Variants in DNM3 observed in about 807,000 individuals in gnomAD.
The protein encoded by DNM3 is dynamin-3.
In DNM3, 47 loss-of-function variants were observed where a neutral mutation model predicts 101.6. That is an observed-to-expected ratio of 0.46 (90% CI 0.37 to 0.59). The LOEUF (loss-of-function observed/expected upper bound fraction) is 0.59. Ranked by LOEUF, DNM3 falls within the 20% of genes least tolerant of loss-of-function variation. DNM3 has a pLI of 0.00. For synonymous variants in DNM3, 385 were observed against 387.9 expected, an observed-to-expected ratio of 0.99 and a Z score of 0.09; for missense variants, 849 against 1,085.7, an observed-to-expected ratio of 0.78 and a Z score of 3.06.
chr1:171,954,853 G>T (rs2125470517), intron 2 of DNM3, among the ~76,000 whole-genome samples: 1 of 152,320 alleles, frequency 6.6e-6, no homozygotes, highest in East Asian at 1.9e-4. Flanking sequence ...AATTTTTCCT[G>T]AGAAAGCTAA....
chr1:172,321,088 C>T (rs1490650677), intron 16 of DNM3, among the ~76,000 whole-genome samples: 1 of 152,140 alleles, frequency 6.6e-6, no homozygotes, highest in African/African-American at 2.4e-5. Flanking sequence ...GTTTTTAGGT[C>T]GGCTTTGCAG....
At chr1:172,091,351 GA>G (rs543681628) in intron 12 of DNM3, among the ~76,000 whole-genome samples, 25 of 152,298 alleles carry the variant, frequency 1.6e-4, no homozygotes, top group African/African-American at 5.8e-4. Context: ...CGGAAGGTGA[GA>G]AATGCCAGAC....
chr1:171,982,041 T>G (rs2044841578), intron 2 of DNM3, among the ~76,000 whole-genome samples: 1 of 152,178 alleles, frequency 6.6e-6, no homozygotes, highest in African/African-American at 2.4e-5. Flanking sequence ...ATGAAGCATT[T>G]AGAATGAAAG....
At chr1:171,949,180 A>C (rs1327960535) in intron 2 of DNM3, among the ~76,000 whole-genome samples, 2 of 152,188 alleles carry the variant, frequency 1.3e-5, no homozygotes, top group Non-Finnish European at 2.9e-5. Flanking sequence ...TACCATTAAC[A>C]AAAACATATT....
chr1:172,075,305 T>C (rs1373022182), intron 11 of DNM3, among the ~76,000 whole-genome samples: 1 of 152,222 alleles, frequency 6.6e-6, no homozygotes, highest in East Asian at 1.9e-4. Flanking sequence ...GTGCAGAAGC[T>C]CTTTAGTTTA....
chr1:172,095,302 A>C (rs2054172049), intron 13 of DNM3, among the ~76,000 whole-genome samples: 1 of 152,206 alleles, frequency 6.6e-6, no homozygotes, highest in South Asian at 2.1e-4. Context: ...GTAAACTTTT[A>C]AATAAAAGAT....
chr1:171,878,760 G>T (rs1336636718), intron 1 of DNM3, among the ~76,000 whole-genome samples: 6 of 152,018 alleles, frequency 3.9e-5, no homozygotes, highest in Non-Finnish European at 5.9e-5. Context: ...GTGGTACTTG[G>T]GTACTGTTGG....
intron 2 of DNM3, among the ~76,000 whole-genome samples, chr1:171,926,973 T>C (rs1245071627): frequency 6.6e-6 from 1 of 152,176 alleles, no homozygotes; most frequent in African/African-American, 2.4e-5. Flanking sequence ...ATGCTTTCTG[T>C]CTAAAATCAG....
intron 18 of DNM3, among the ~76,000 whole-genome samples, chr1:172,381,624 C>T (rs1283884234): frequency 6.6e-6 from 1 of 152,004 alleles, no homozygotes; most frequent in Non-Finnish European, 1.5e-5. Flanking sequence ...GTTCATTCCA[C>T]ACGTGACCTG....
At chr1:172,274,469 G>C (rs1271363349) in intron 15 of DNM3, among the ~76,000 whole-genome samples, 1 of 152,056 alleles carries the variant, frequency 6.6e-6, no homozygotes, top group African/African-American at 2.4e-5. Context: ...CAGGGCTTCA[G>C]TCTCAAATGA....
At chr1:172,355,455 G>A (rs186532300) in intron 17 of DNM3, among the ~76,000 whole-genome samples, 89 of 152,260 alleles carry the variant, frequency 5.8e-4, no homozygotes, top group African/African-American at 2.0e-3. Flanking sequence ...TTTATGAATA[G>A]ATTAAACAGC....
At chr1:172,416,853 C>A (rs1174241377), downstream of DNM3, among the ~76,000 whole-genome samples, 1 of 152,180 alleles carries the variant, frequency 6.6e-6, no homozygotes, top group Non-Finnish European at 1.5e-5. Context: ...CCCCTAGCCC[C>A]TGCCCCGGCC....
Position 172,407,846 on chromosome 1 carries a change from A to G in DNM3, c.*5A>G. On this transcript the variant is annotated 3_prime_UTR_variant, in exon 21 of 21. Coordinates refer to ENST00000627582, the MANE Select transcript of DNM3 (RefSeq NM_015569.5). ...GAATCCTCCCTGTTAGACTAAACGA[A>G]GTGTCTGGCATGGCAATTAATCACT... The G allele has an allele frequency of 3.1e-6, 5 of 1,613,102 alleles. No homozygotes were observed. Among genetic ancestry groups the G allele is most frequent in the Non-Finnish European group, 4.2e-6 (5 of 1,179,238 alleles).
At chr1:172,337,819 G>A (rs996607250) in intron 17 of DNM3, among the ~76,000 whole-genome samples, 3 of 149,970 alleles carry the variant, frequency 2.0e-5, no homozygotes, top group African/African-American at 7.4e-5. Context: ...GAATATCTGG[G>A]AATATGGCTT....
chr1:172,418,152 T>A lies in DNM3; in HGVS notation c.2541-129T>A, dbSNP rs577213897. The A allele has an allele frequency of 4.8e-5, 32 of 667,992 alleles. No homozygotes were observed. The South Asian group carries it at 5.7e-4, about 12-fold the overall frequency. The allele number at this position is 667,992 out of a possible 1,614,324, so 41.4% of individuals were successfully genotyped here. On this transcript the variant is annotated intron_variant, in intron 20 of 20. Transcript: ENST00000485254. Reference sequence around the variant, plus strand: ...TGCATGTTTTTGTGTGTGATTTGAATTTGACTTTTGTGAGCTATTTTTGCA... The same window carrying A: ...TGCATGTTTTTGTGTGTGATTTGAAATTGACTTTTGTGAGCTATTTTTGCA...
chr1:172,137,649 A>G (rs1215905396), intron 14 of DNM3: 1 of 152,176 alleles, frequency 6.6e-6, no homozygotes, highest in East Asian at 1.9e-4. Context: ...TAATTGTTAA[A>G]TGTGAAAAAA....
chr1:171,846,141 A>T (rs2032053028), intron 1 of DNM3, among the ~76,000 whole-genome samples: 1 of 152,188 alleles, frequency 6.6e-6, no homozygotes, highest in African/African-American at 2.4e-5. Context: ...CAAAACATGA[A>T]CTTTTCTTCA....
chr1:172,235,805 T>G (rs1557861077), intron 14 of DNM3, among the ~76,000 whole-genome samples: 1 of 151,542 alleles, frequency 6.6e-6, no homozygotes. Context: ...TGAGAACACT[T>G]GGATACAGGA....
At chr1:172,337,174 T>C (rs527955438) in intron 17 of DNM3, among the ~76,000 whole-genome samples, 2 of 152,338 alleles carry the variant, frequency 1.3e-5, no homozygotes, top group African/African-American at 4.8e-5. Context: ...TACTATTTAA[T>C]AAGGCCCTGA....
Sources: gnomAD v4.1 joint callset for allele counts (sites outside exome capture counted in the v4.1 genomes callset) on GRCh38, gnomAD v4.1.1 for gene constraint, MANE v1.5 for transcripts, NCBI Gene and HGNC (gene_info 2026-07-23, HGNC 2026-07-21) for gene names.